RARB: variants seen among roughly 807,000 people sequenced by gnomAD.
RARB encodes HBV-activated protein.
In RARB, 17 loss-of-function variants were observed where a neutral mutation model predicts 51.9. The observed-to-expected ratio is 0.33, with a 90% CI of 0.22 to 0.49. RARB has a LOEUF of 0.49. Ranked by LOEUF, RARB falls within the 20% of genes least tolerant of loss-of-function variation. RARB has a pLI of 0.99. For missense variants in RARB, 369 were observed against 550.8 expected, an observed-to-expected ratio of 0.67 and a Z score of 3.30; for synonymous variants, 215 against 195.4, an observed-to-expected ratio of 1.10 and a Z score of -0.84.
chr3:25,339,770 C>T (rs1450264158), intron 5 of RARB, among the ~76,000 whole-genome samples: 1 of 152,018 alleles, frequency 6.6e-6, no homozygotes, highest in Non-Finnish European at 1.5e-5. Flanking sequence ...AGCATTGTAC[C>T]TCCAGAGAAG....
rs749273343 is a variant in RARB at position 24,894,913 on chromosome 3, G to A, written c.-380+36161G>A. On this transcript the variant is annotated intron_variant, in intron 2 of 11. Transcript: ENST00000383772. ...GCTAAATATATGGGTTAAAAGGAGA[G>A]TCAGATGAGTTTTGTCAAAAGAAGT... Among the ~76,000 whole-genome samples the A allele has an allele frequency of 6.6e-5, 10 of 152,302 alleles. No homozygotes were observed. The South Asian group carries it at 1.7e-3, about 25-fold the overall frequency.
intron 5 of RARB, among the ~76,000 whole-genome samples, chr3:25,240,167 C>T (rs1343602294): frequency 1.3e-5 from 2 of 151,426 alleles, no homozygotes; most frequent in Admixed American, 1.3e-4. Context: ...AACGCTACTG[C>T]TTTTTGTATG....
intron 2 of RARB, among the ~76,000 whole-genome samples, chr3:25,499,047 C>G (rs1160548286): frequency 6.6e-6 from 1 of 152,162 alleles, no homozygotes; most frequent in Non-Finnish European, 1.5e-5. Flanking sequence ...TGTGACAGGA[C>G]TTGCAACCTT....
chr3:25,399,268 C>T (rs1707202373), intron 5 of RARB, among the ~76,000 whole-genome samples: 1 of 152,168 alleles, frequency 6.6e-6, no homozygotes, highest in Admixed American at 6.6e-5. Context: ...TTTTGGGTCG[C>T]TAGTCTCTCC....
intron 4 of RARB, among the ~76,000 whole-genome samples, chr3:25,159,839 A>C (rs1700445677): frequency 2.6e-5 from 4 of 152,150 alleles, no homozygotes; most frequent in Admixed American, 2.6e-4. Flanking sequence ...AATGAGGTTA[A>C]ACTTTTATTT....
chr3:25,162,671 T>C (rs954862473), intron 4 of RARB, among the ~76,000 whole-genome samples: 4 of 152,242 alleles, frequency 2.6e-5, no homozygotes, highest in Non-Finnish European at 5.9e-5. Flanking sequence ...AATGGAATCG[T>C]ATAATATGTG....
At chr3:25,263,132 T>G (rs1399416750) in intron 5 of RARB, among the ~76,000 whole-genome samples, 1 of 152,192 alleles carries the variant, frequency 6.6e-6, no homozygotes, top group African/African-American at 2.4e-5. Context: ...TCTATGAACG[T>G]TTGTCATCCA....
chr3:25,208,676 A>G (rs76304244), intron 5 of RARB, among the ~76,000 whole-genome samples: 6 of 152,148 alleles, frequency 3.9e-5, no homozygotes, highest in African/African-American at 2.4e-5. Flanking sequence ...TGACCTGACA[A>G]TGCTGTCTCC....
intron 5 of RARB, chr3:25,352,505 A>C (rs556498712): frequency 1.3e-5 from 2 of 152,302 alleles, no homozygotes; most frequent in Admixed American, 6.5e-5. Flanking sequence ...TCTCTTTGTC[A>C]AGCAAGTCTG....
chr3:25,221,777 A>G (rs1351554378), intron 5 of RARB, among the ~76,000 whole-genome samples: 2 of 152,188 alleles, frequency 1.3e-5, no homozygotes, highest in African/African-American at 4.8e-5. Flanking sequence ...TTAGAGATCT[A>G]CAGTGGAAAG....
chr3:25,265,554 C>A (rs539220265), intron 5 of RARB, among the ~76,000 whole-genome samples: 6 of 152,258 alleles, frequency 3.9e-5, no homozygotes, highest in African/African-American at 1.4e-4. Context: ...CTCACTGCAA[C>A]CTCCACCTCC....
intron 3 of RARB, among the ~76,000 whole-genome samples, chr3:25,558,422 C>G (rs1021162010): frequency 6.6e-6 from 1 of 152,038 alleles, no homozygotes; most frequent in Non-Finnish European, 1.5e-5. Context: ...CCATTGGTTT[C>G]TGCGGTTTTT....
intron 5 of RARB, among the ~76,000 whole-genome samples, chr3:25,308,254 A>T (rs1290595323): frequency 1.3e-5 from 2 of 152,204 alleles, no homozygotes; most frequent in African/African-American, 4.8e-5. Context: ...CAAACATGCC[A>T]TTCTGTATTT....
chr3:25,365,743 T>A (rs560022630), intron 5 of RARB, among the ~76,000 whole-genome samples: 72 of 152,320 alleles, frequency 4.7e-4, no homozygotes, highest in Middle Eastern at 3.4e-3. Context: ...AGCCTTACTC[T>A]CAATGTGGTT....
chr3:25,270,179 A>AT (rs1258425012), intron 5 of RARB, among the ~76,000 whole-genome samples: 3 of 152,202 alleles, frequency 2.0e-5, no homozygotes, highest in Non-Finnish European at 4.4e-5. Flanking sequence ...TCAAACAGAT[A>AT]TTTTTACACC....
chr3:24,844,462 G>A (rs1028301176), intron 1 of RARB, among the ~76,000 whole-genome samples: 9 of 152,088 alleles, frequency 5.9e-5, no homozygotes, highest in East Asian at 1.9e-4. Flanking sequence ...AATCTCTATC[G>A]GTTTCAAATT....
chr3:25,077,730 G>GTA (rs970673311), intron 3 of RARB, among the ~76,000 whole-genome samples: 69 of 151,604 alleles, frequency 4.6e-4, no homozygotes, highest in African/African-American at 9.2e-4. Flanking sequence ...ATGTGTGTAT[G>GTA]TATATATATA....
intron 1 of RARB, among the ~76,000 whole-genome samples, chr3:25,459,656 AG>A (rs1332695336): frequency 6.6e-6 from 1 of 152,194 alleles, no homozygotes; most frequent in Non-Finnish European, 1.5e-5. Flanking sequence ...GTAGCAGGAT[AG>A]TGATGTGGGG....
intron 3 of RARB, among the ~76,000 whole-genome samples, chr3:25,061,884 G>T (rs1698558523): frequency 6.6e-6 from 1 of 151,696 alleles, no homozygotes; most frequent in Admixed American, 6.6e-5. Context: ...CTCTAATAAA[G>T]TTTAAATAAT....
Sources: gnomAD v4.1 joint callset for allele counts (sites outside exome capture counted in the v4.1 genomes callset) on GRCh38, gnomAD v4.1.1 for gene constraint, MANE v1.5 for transcripts, NCBI Gene and HGNC (gene_info 2026-07-23, HGNC 2026-07-21) for gene names.